The following LRPPRC variants were observed in gnomAD, a reference collection of about 807,000 sequenced individuals.
LRPPRC encodes leucine-rich PPR motif-containing protein, mitochondrial.
A neutral mutation model predicts 180.3 loss-of-function variants in LRPPRC; 120 were observed. The ratio of observed to expected loss-of-function variants is 0.67; its 90% CI spans 0.57 to 0.77. LRPPRC has a LOEUF of 0.77. Ranked by LOEUF, LRPPRC falls within the 30% of genes least tolerant of loss-of-function variation. LRPPRC has a pLI of 0.00. For missense variants in LRPPRC, 2,012 were observed against 1,657.2 expected (o/e 1.21, Z -3.72); for synonymous variants, 723 against 600.0 (o/e 1.21, Z -3.00).
chr2:43,950,684 A>T (rs1672864876), intron 14 of LRPPRC, 84 bp from the exon 15 acceptor site: 1 of 905,634 alleles, frequency 1.1e-6, no homozygotes, highest in Non-Finnish European at 1.8e-6. Flanking sequence ...AGATCAAAGT[A>T]TTAAAATTAA....
At chr2:43,973,461 A>G in intron 11 of LRPPRC, 146 bp downstream of exon 11, 1 of 684,886 alleles carries the variant, frequency 1.5e-6, no homozygotes, top group South Asian at 1.6e-5. Flanking sequence ...CTTACACATA[A>G]TACTTCATGA....
chr2:43,991,106 T>C (rs941536086), intron 1 of LRPPRC, among the ~76,000 whole-genome samples: 2 of 151,514 alleles, frequency 1.3e-5, no homozygotes, highest in Non-Finnish European at 2.9e-5. Flanking sequence ...CTCTGCTCAC[T>C]ACAAGCTCCG....
At chr2:43,933,572 A>G (rs1412619606) in intron 25 of LRPPRC, among the ~76,000 whole-genome samples, 2 of 152,228 alleles carry the variant, frequency 1.3e-5, no homozygotes, top group African/African-American at 4.8e-5. Flanking sequence ...CAATTTGGAC[A>G]GACTTTATAG....
chr2:43,956,238 C>T (rs1348323851), intron 14 of LRPPRC, among the ~76,000 whole-genome samples: 3 of 152,116 alleles, frequency 2.0e-5, no homozygotes, highest in Non-Finnish European at 4.4e-5. Context: ...AAATCCAATG[C>T]ATCAATTTAA....
At chr2:43,933,439 T>C (rs1216115589) in intron 25 of LRPPRC, among the ~76,000 whole-genome samples, 1 of 152,198 alleles carries the variant, frequency 6.6e-6, no homozygotes, top group Non-Finnish European at 1.5e-5. Context: ...TGATTACTGA[T>C]GTATTTATAA....
At chr2:43,959,726 T>C (rs994531730) in intron 13 of LRPPRC, among the ~76,000 whole-genome samples, 13 of 151,574 alleles carry the variant, frequency 8.6e-5, no homozygotes, top group African/African-American at 1.5e-4. Flanking sequence ...CTACTAAAAA[T>C]ACAAAAAATT....
intron 12 of LRPPRC, among the ~76,000 whole-genome samples, chr2:43,961,410 T>G (rs933415996): frequency 5.9e-5 from 9 of 152,168 alleles, no homozygotes; most frequent in Non-Finnish European, 1.2e-4. Flanking sequence ...TCTGTCAAGT[T>G]AGGTGGATAA....
chr2:43,960,572 T>C lies in LRPPRC; in HGVS notation c.1551A>G (p.Ala517=), dbSNP rs1056878095. 1 of 1,603,386 alleles carries C rather than the reference T, an allele frequency of 6.2e-7. No individual in the cohort carries two copies. The highest frequency in any genetic ancestry group is 2.2e-5 in the East Asian group (1 of 44,800). Residue 517 remains alanine (A), a synonymous_variant, in exon 13 of 38, where the codon GCA becomes GCG. Coordinates refer to ENST00000260665, the MANE Select transcript of LRPPRC (RefSeq NM_133259.4). ...ATAATACAAAGTCTAAGTTCCCATT[T>C]GCTGCTTCACTTCTCAATCCAGCTT... ...FSQAGLRSEA[A]NGNLDFVLSF...
chr2:43,939,418 C>T (rs924342748), intron 23 of LRPPRC, among the ~76,000 whole-genome samples: 2 of 152,128 alleles, frequency 1.3e-5, no homozygotes, highest in Non-Finnish European at 2.9e-5. Flanking sequence ...ATGTAACAGG[C>T]TTCCTTACTG....
chr2:43,995,512 C>T (rs544262155), intron 1 of LRPPRC, among the ~76,000 whole-genome samples: 24 of 152,366 alleles, frequency 1.6e-4, no homozygotes, highest in African/African-American at 5.8e-4. Context: ...CCCCCCTCAT[C>T]TTCGTTGACC....
intron 1 of LRPPRC, among the ~76,000 whole-genome samples, chr2:43,995,458 T>C (rs1342507892): frequency 6.6e-6 from 1 of 152,184 alleles, no homozygotes; most frequent in Non-Finnish European, 1.5e-5. Context: ...TGGCCAAGTG[T>C]AAGGAAAAGA....
Position 43,906,940 on chromosome 2 carries a change from C to T in LRPPRC, c.3276-1160G>A, listed in dbSNP as rs376159469. Among the ~76,000 whole-genome samples, 28 of 152,166 alleles carry T rather than the reference C, an allele frequency of 1.8e-4. No homozygotes were observed. In the East Asian group the frequency reaches 2.9e-3, roughly 16 times the overall value. ...TTTCTCCCTTTGTCCCATCTGTCAA[C>T]AACTTAAGTCAACAACTCATGCATG... On this transcript the variant is annotated intron_variant, in intron 30 of 37. Transcript: ENST00000260665.
chr2:43,926,823 C>T (rs984009394), intron 25 of LRPPRC, among the ~76,000 whole-genome samples: 6 of 152,292 alleles, frequency 3.9e-5, no homozygotes, highest in East Asian at 3.9e-4. Flanking sequence ...AAATGCTTTG[C>T]GAACTTCACA....
At chr2:43,911,574 T>G (rs1229067436) in intron 30 of LRPPRC, among the ~76,000 whole-genome samples, 2 of 143,402 alleles carry the variant, frequency 1.4e-5, no homozygotes, top group East Asian at 4.6e-4. Flanking sequence ...TCACCCAGGC[T>G]GGAGTGCAGT....
intron 1 of LRPPRC, among the ~76,000 whole-genome samples, chr2:43,992,566 C>G (rs1674829457): frequency 6.6e-6 from 1 of 152,138 alleles, no homozygotes; most frequent in Admixed American, 6.5e-5. Context: ...AGGAAAATGA[C>G]ATGATCAAAT....
At chr2:43,932,590 A>G (rs1672130846) in intron 25 of LRPPRC, among the ~76,000 whole-genome samples, 1 of 152,198 alleles carries the variant, frequency 6.6e-6, no homozygotes, top group Non-Finnish European at 1.5e-5. Context: ...TGTGGCAAAC[A>G]TGTACCTTAT....
chr2:43,923,416 C>T lies in LRPPRC; in HGVS notation c.2896+1651G>A, dbSNP rs192856551. Among the ~76,000 whole-genome samples, 73 of 152,252 alleles carry T rather than the reference C, an allele frequency of 4.8e-4. 1 individual carries two copies. The highest frequency in any genetic ancestry group is 1.7e-3 in the African/African-American group (70 of 41,544). On this transcript the variant is annotated intron_variant, in intron 27 of 37. Transcript: ENST00000260665. ...CTGAGGTGGGAGGATTTCTTGAGCC[C>T]AGGAGGTTGAGGCTGCAGTGAGCTC... is the stretch of plus-strand genomic sequence containing the variant.
Position 43,986,736 on chromosome 2 carries a change from A to G in LRPPRC, c.150-4302T>C, listed in dbSNP as rs185310795. Among the ~76,000 whole-genome samples the G allele has an allele frequency of 2.6e-4, 39 of 152,248 alleles. 1 individual carries two copies. Among genetic ancestry groups the G allele is most frequent in the African/African-American group, 7.9e-4 (33 of 41,532 alleles). ...ACGGTCTCATTCTGAAACGAACTCA[A>G]CGTGGCAAAAGGGCATTGAAGAAAC... On this transcript the variant is annotated intron_variant, in intron 1 of 37. Transcript: ENST00000260665.
At chr2:43,975,860 G>A (rs979555556) in intron 6 of LRPPRC, among the ~76,000 whole-genome samples, 1 of 152,048 alleles carries the variant, frequency 6.6e-6, no homozygotes, top group Non-Finnish European at 1.5e-5. Flanking sequence ...TGGGATTACA[G>A]GCATGAGCCA....
Sources: gnomAD v4.1 joint callset for allele counts (sites outside exome capture counted in the v4.1 genomes callset) on GRCh38, gnomAD v4.1.1 for gene constraint, MANE v1.5 for transcripts, NCBI Gene and HGNC (gene_info 2026-07-23, HGNC 2026-07-21) for gene names.